DGKB: variants seen among roughly 807,000 people sequenced by gnomAD.
DGKB encodes the protein 90 kDa diacylglycerol kinase.
DGKB carries 67 observed loss-of-function variants against 114.3 expected under a neutral mutation model. That is an observed-to-expected ratio of 0.59 (90% confidence interval 0.48 to 0.72). The LOEUF is 0.72. Among genes scored for constraint, DGKB ranks in the 30% least tolerant of loss-of-function variants. DGKB has a pLI of 0.00. For missense variants in DGKB, 907 were observed against 975.2 expected (o/e 0.93, Z 0.93); for synonymous variants, 398 against 323.1 (o/e 1.23, Z -2.49).
At position 14,631,530 on chromosome 7, in the gene DGKB, A is replaced by G. The variant is rs12154618; in HGVS notation, c.1135-1262T>C. On this transcript the variant is annotated intron_variant, in intron 13 of 25. Coordinates refer to ENST00000402815, the MANE Select transcript of DGKB (RefSeq NM_001350709.2). ...AAAAGAAGCCACGAAGTGGAAGAGTATGAGCTCTGGCCAACTATCCATTCC... is the reference window on the plus strand; with the variant it reads ...AAAAGAAGCCACGAAGTGGAAGAGTGTGAGCTCTGGCCAACTATCCATTCC... Among the ~76,000 whole-genome samples, 1,084 of 152,138 alleles carry G rather than the reference A, an allele frequency of 7.1e-3. 8 individuals carry two copies. The highest frequency in any genetic ancestry group is 0.01 in the Non-Finnish European group (688 of 67,922).
At chr7:14,798,411 C>G (rs763787203) in intron 2 of DGKB, among the ~76,000 whole-genome samples, 22 of 152,064 alleles carry the variant, frequency 1.4e-4, no homozygotes, top group Non-Finnish European at 2.8e-4. Context: ...CACATTATTG[C>G]TGTAACCACA....
intron 13 of DGKB, among the ~76,000 whole-genome samples, 193 bp downstream of exon 13, chr7:14,672,736 A>G (rs1218484782): frequency 2.0e-5 from 3 of 152,112 alleles, no homozygotes; most frequent in African/African-American, 7.2e-5. Flanking sequence ...TCGTTCTAGA[A>G]AGCGTATTTT....
intron 21 of DGKB, among the ~76,000 whole-genome samples, chr7:14,356,352 CTTTTTT>C (rs997102742): frequency 7.8e-5 from 6 of 77,224 alleles, no homozygotes; most frequent in Non-Finnish European, 1.0e-4. Context: ...TTCTCTAGTT[CTTTTTT>C]TTTTTTTTTT....
intron 22 of DGKB, among the ~76,000 whole-genome samples, chr7:14,342,940 T>C (rs896263752): frequency 6.6e-6 from 1 of 151,934 alleles, no homozygotes; most frequent in Non-Finnish European, 1.5e-5. Context: ...GTTCTGTTTT[T>C]ACTGAAGTAG....
chr7:14,923,691 C>T (rs1784614794), intron 1 of DGKB, among the ~76,000 whole-genome samples: 1 of 151,990 alleles, frequency 6.6e-6, no homozygotes, highest in Non-Finnish European at 1.5e-5. Context: ...TTTTAAACTC[C>T]TCTATATAAA....
At chr7:14,647,837 G>A (rs575117167) in intron 13 of DGKB, among the ~76,000 whole-genome samples, 22 of 152,340 alleles carry the variant, frequency 1.4e-4, no homozygotes, top group East Asian at 7.7e-4. Flanking sequence ...CTTGGGAAGC[G>A]CAAGGGGTCA....
intron 23 of DGKB, among the ~76,000 whole-genome samples, chr7:14,307,858 T>G (rs150779634): frequency 6.6e-6 from 1 of 152,138 alleles, no homozygotes; most frequent in Admixed American, 6.5e-5. Context: ...ATTCCCACAT[T>G]GACTCCCTTA....
chr7:14,894,410 G>A lies in DGKB; in HGVS notation c.-188+8182C>T, dbSNP rs185681080. Among the ~76,000 whole-genome samples, 100 of 151,376 alleles carry A rather than the reference G, an allele frequency of 6.6e-4. No individual in the cohort carries two copies. In the South Asian group the frequency reaches 8.1e-3, roughly 12 times the overall value. The stretch of plus-strand genomic sequence containing the variant: ...TGCTCCATGGTGATAAGACACAGGC[G>A]CTAATTTCTTTAATGTAGCTTTGAA... On this transcript the variant is annotated intron_variant, in intron 1 of 25. Transcript: ENST00000402815.
intron 16 of DGKB, among the ~76,000 whole-genome samples, chr7:14,611,190 CT>C (rs1779375202): frequency 6.6e-6 from 1 of 152,076 alleles, no homozygotes; most frequent in East Asian, 1.9e-4. Flanking sequence ...CTTCTCTGAA[CT>C]TTGATAGCAC....
intron 20 of DGKB, among the ~76,000 whole-genome samples, chr7:14,561,742 G>T (rs375619235): frequency 1.3e-5 from 2 of 152,172 alleles, no homozygotes; most frequent in Non-Finnish European, 1.5e-5. Flanking sequence ...TCTGAGGAAA[G>T]AAATTTCTAA....
intron 16 of DGKB, 126 bp from the exon 17 acceptor site, chr7:14,607,634 A>G (rs1804764204): frequency 3.0e-6 from 1 of 338,808 alleles, no homozygotes; most frequent in Non-Finnish European, 5.4e-6. Context: ...AAAAATTTCT[A>G]TCAATTTAAT....
chr7:14,663,620 C>G (rs1020902209), intron 13 of DGKB, among the ~76,000 whole-genome samples: 1 of 143,420 alleles, frequency 7.0e-6, no homozygotes, highest in Non-Finnish European at 1.6e-5. Flanking sequence ...TTCCCTTCCT[C>G]CCTTCCTCCC....
At chr7:14,834,890 G>C (rs1039235554) in intron 2 of DGKB, among the ~76,000 whole-genome samples, 12 of 152,144 alleles carry the variant, frequency 7.9e-5, no homozygotes, top group Middle Eastern at 3.4e-3. Flanking sequence ...CGAAAATTAT[G>C]GGAGTTTAGA....
chr7:14,617,867 C>G (rs1383329482), intron 15 of DGKB, among the ~76,000 whole-genome samples: 1 of 151,670 alleles, frequency 6.6e-6, no homozygotes, highest in Non-Finnish European at 1.5e-5. Flanking sequence ...GGGGCCTAAA[C>G]TAGCCATTGT....
intron 17 of DGKB, among the ~76,000 whole-genome samples, chr7:14,600,485 T>A (rs975263533): frequency 2.0e-5 from 3 of 152,088 alleles, no homozygotes; most frequent in Non-Finnish European, 2.9e-5. Context: ...AAGTCTAAAG[T>A]CCAGAGTCTC....
intron 23 of DGKB, among the ~76,000 whole-genome samples, chr7:14,204,149 T>A (rs1786367196): frequency 1.3e-5 from 2 of 152,024 alleles, no homozygotes. Flanking sequence ...CCATTAATGT[T>A]TTTCAACATG....
chr7:14,786,491 G>A (rs938098733), intron 2 of DGKB, among the ~76,000 whole-genome samples: 1 of 152,228 alleles, frequency 6.6e-6, no homozygotes, highest in Non-Finnish European at 1.5e-5. Context: ...GGGAGGCATG[G>A]CCAGGGCTGT....
intron 20 of DGKB, among the ~76,000 whole-genome samples, chr7:14,500,430 A>C (rs2128952781): frequency 6.6e-6 from 1 of 151,570 alleles, no homozygotes; most frequent in South Asian, 2.1e-4. Flanking sequence ...GTACTGGAGT[A>C]AGGGTTTAAG....
chr7:14,652,347 A>T (rs1273028133), intron 13 of DGKB, among the ~76,000 whole-genome samples: 2 of 152,176 alleles, frequency 1.3e-5, no homozygotes, highest in African/African-American at 2.4e-5. Flanking sequence ...ATAACGCCGC[A>T]TATCTACAAC....
Sources: gnomAD v4.1 joint callset for allele counts (sites outside exome capture counted in the v4.1 genomes callset) on GRCh38, gnomAD v4.1.1 for gene constraint, MANE v1.5 for transcripts, NCBI Gene and HGNC (gene_info 2026-07-23, HGNC 2026-07-21) for gene names.